Variants in MERTK observed in about 807,000 individuals in gnomAD.
The protein encoded by MERTK is tyrosine-protein kinase Mer.
A neutral mutation model predicts 99.3 loss-of-function variants in MERTK; 69 were observed. The ratio of observed to expected loss-of-function variants is 0.70; its 90% CI spans 0.57 to 0.85. The LOEUF is 0.85. Ranked by LOEUF, MERTK falls within the 40% of genes least tolerant of loss-of-function variation. The probability of loss-of-function intolerance (pLI) is 0.00; values close to 1 mark genes in which losing one functional copy is unlikely to be tolerated. For synonymous variants in MERTK, 426 were observed against 467.6 expected, an observed-to-expected ratio of 0.91 and a Z score of 1.15; for missense variants, 1,125 against 1,249.4, an observed-to-expected ratio of 0.90 and a Z score of 1.50.
intron 4 of MERTK, among the ~76,000 whole-genome samples, chr2:111,955,968 T>A (rs1558785364): frequency 9.0e-6 from 1 of 111,300 alleles, no homozygotes; most frequent in Non-Finnish European, 1.8e-5. Context: ...GGGCCTGTCA[T>A]AGGGTGAGGG....
intron 18 of MERTK, chr2:112,028,103 G>T: frequency 1.8e-6 from 1 of 548,424 alleles, no homozygotes; most frequent in Admixed American, 3.1e-5. Flanking sequence ...CTCCTTATCT[G>T]CAAAGTTAGA....
chr2:111,961,450 C>T (rs1343197639), intron 4 of MERTK, among the ~76,000 whole-genome samples: 2 of 152,068 alleles, frequency 1.3e-5, no homozygotes, highest in African/African-American at 4.8e-5. Context: ...CCACCGCACC[C>T]GGCCGGCGTT....
At chr2:111,932,306 C>G (rs528223866) in intron 2 of MERTK, among the ~76,000 whole-genome samples, 2 of 152,124 alleles carry the variant, frequency 1.3e-5, no homozygotes, top group Non-Finnish European at 2.9e-5. Flanking sequence ...CTCAGCCTCC[C>G]GAGTAGCTGG....
At chr2:111,981,289 A>G (rs1481210318) in intron 7 of MERTK, among the ~76,000 whole-genome samples, 1 of 152,170 alleles carries the variant, frequency 6.6e-6, no homozygotes, top group Non-Finnish European at 1.5e-5. Context: ...TAATTTCTAA[A>G]ATGGATCTAT....
intron 8 of MERTK, among the ~76,000 whole-genome samples, chr2:111,992,570 G>C (rs1182738517): frequency 6.6e-6 from 1 of 151,988 alleles, no homozygotes. Context: ...GGCCAACATG[G>C]TGAAACCCCG....
At chr2:111,960,534 A>T (rs1685230811) in intron 4 of MERTK, among the ~76,000 whole-genome samples, 1 of 151,958 alleles carries the variant, frequency 6.6e-6, no homozygotes, top group Non-Finnish European at 1.5e-5. Flanking sequence ...TCCAGCAAAG[A>T]AATTGCTCTT....
At chr2:111,928,481 C>T (rs890028792) in intron 1 of MERTK, among the ~76,000 whole-genome samples, 2 of 148,750 alleles carry the variant, frequency 1.3e-5, no homozygotes, top group South Asian at 4.3e-4. Flanking sequence ...ACAGAGCAGA[C>T]AGTAAGAAAA....
At chr2:111,914,034 AT>A (rs986955993) in intron 1 of MERTK, among the ~76,000 whole-genome samples, 17 of 121,854 alleles carry the variant, frequency 1.4e-4, no homozygotes, top group Admixed American at 7.3e-4. Context: ...GTTCCCATCC[AT>A]TTTTTTTTTC....
chr2:112,027,176 T>C (rs72825675), intron 18 of MERTK, among the ~76,000 whole-genome samples: 9,211 of 149,108 alleles, frequency 0.062, 377 homozygotes, highest in Non-Finnish European at 0.094. Flanking sequence ...TATATATATA[T>C]ACACACACAC....
intron 1 of MERTK, among the ~76,000 whole-genome samples, chr2:111,903,581 A>G (rs1224444534): frequency 6.6e-6 from 1 of 152,226 alleles, no homozygotes; most frequent in East Asian, 1.9e-4. Flanking sequence ...CCGTTAGTTT[A>G]ATCTTAACCC....
At chr2:111,933,200 G>C (rs548306781) in intron 2 of MERTK, among the ~76,000 whole-genome samples, 1 of 152,242 alleles carries the variant, frequency 6.6e-6, no homozygotes, top group East Asian at 1.9e-4. Flanking sequence ...CCATGAGCAG[G>C]GTCACTAGGC....
chr2:111,903,612 G>A (rs1001833691), intron 1 of MERTK, among the ~76,000 whole-genome samples: 1 of 152,184 alleles, frequency 6.6e-6, no homozygotes, highest in Admixed American at 6.5e-5. Context: ...GCTCTGAATT[G>A]GTATGTTTCT....
intron 12 of MERTK, 47 bp downstream of exon 12, chr2:112,003,234 G>A (rs772365811): frequency 5.4e-5 from 48 of 890,844 alleles, no homozygotes; most frequent in Non-Finnish European, 7.4e-5. Flanking sequence ...TAAGAAGGTA[G>A]CAGTTTAGAA....
chr2:111,933,576 CAT>C lies in MERTK; in HGVS notation c.482+4038_482+4039del, dbSNP rs367666004. On this transcript the variant is annotated intron_variant, in intron 2 of 18. Transcript: ENST00000295408. The stretch of plus-strand genomic sequence containing the variant: ...TTTTCTAAAAGGTATTAGGATCACA[CAT>C]AGAAATTCCCGTAAGAATAGGCAGA... 6.3e-3 allele frequency among the ~76,000 whole-genome samples: 966 copies of C among 152,168 alleles called. 12 individuals carry two copies. Among genetic ancestry groups the C allele is most frequent in the African/African-American group, 0.022 (931 of 41,502 alleles).
chr2:112,027,646 A>C (rs1677494931), intron 18 of MERTK, among the ~76,000 whole-genome samples: 1 of 152,106 alleles, frequency 6.6e-6, no homozygotes, highest in Admixed American at 6.5e-5. Flanking sequence ...CTGGCTACCC[A>C]CATGGCCATG....
At chr2:111,907,540 G>A (rs577004702) in intron 1 of MERTK, among the ~76,000 whole-genome samples, 17 of 152,302 alleles carry the variant, frequency 1.1e-4, no homozygotes, top group African/African-American at 4.1e-4. Flanking sequence ...CTGGAAACAT[G>A]GAGGTATATT....
intron 5 of MERTK, among the ~76,000 whole-genome samples, chr2:111,966,037 C>A (rs922912243): frequency 2.6e-5 from 4 of 152,180 alleles, no homozygotes; most frequent in African/African-American, 7.2e-5. Context: ...GAAAAACCTA[C>A]AATTAGGTAG....
rs1309163082 is a variant in MERTK, at chr2:111,985,704, C to G, written c.1296+2711C>G. Among the ~76,000 whole-genome samples the G allele has an allele frequency of 7.9e-5, 12 of 152,082 alleles. No individual in the cohort carries two copies. The East Asian group carries it at 2.3e-3, about 29-fold the overall frequency. On this transcript the variant is annotated intron_variant, in intron 8 of 18. Transcript: ENST00000295408. ...CAAGAGAGTGTGCAGGGGAACTCCC[C>G]TTTATAAAACCATAGGATCTCACGA... is the stretch of plus-strand genomic sequence containing the variant.
chr2:111,934,653 C>T (rs915245761), intron 2 of MERTK, among the ~76,000 whole-genome samples: 3 of 150,784 alleles, frequency 2.0e-5, no homozygotes, highest in Non-Finnish European at 3.0e-5. Flanking sequence ...GAAATTTTCT[C>T]GCATTCTGTA....
Sources: allele counts gnomAD v4.1 joint callset (sites outside exome capture counted in the v4.1 genomes callset), GRCh38; gene constraint gnomAD v4.1.1; transcripts MANE v1.5; gene names NCBI Gene and HGNC (gene_info 2026-07-23, HGNC 2026-07-21).